Variants in ZNF558 observed in about 807,000 individuals in gnomAD.
ZNF558 encodes the protein zinc finger protein 558.
In ZNF558, 23 loss-of-function variants were observed where a neutral mutation model predicts 37.6. The ratio of observed to expected loss-of-function variants is 0.61; its 90% CI spans 0.44 to 0.87. The LOEUF (loss-of-function observed/expected upper bound fraction) is 0.87. Ranked by LOEUF, ZNF558 falls within the 40% of genes least tolerant of loss-of-function variation. The pLI is 0.00. For synonymous variants in ZNF558, 189 were observed against 174.4 expected (o/e 1.08, Z -0.66); for missense variants, 429 against 483.7 (o/e 0.89, Z 1.06).
chr19:8,821,173 G>A lies in ZNF558; in HGVS notation c.247+7C>T. The A allele has an allele frequency of 6.2e-7, 1 of 1,613,512 alleles. No individual in the cohort carries two copies. Among genetic ancestry groups the A allele is most frequent in the Non-Finnish European group, 8.5e-7 (1 of 1,179,594 alleles). ...TTAAATAAATGCAGGAATGACATTA[G>A]GCTTACCTAGTGAGGCCAGGTTCCT... On this transcript the variant is annotated splice_region_variant and intron_variant, in intron 7 of 9. Coordinates refer to ENST00000601372, the MANE Select transcript of ZNF558 (RefSeq NM_144693.3).
In ZNF558 at chr19:8,810,115, TG is replaced by T. The variant is rs2043749015; in HGVS notation, c.*1165del. 1 of 152,254 alleles carries T rather than the reference TG, an allele frequency of 6.6e-6. No individual in the cohort carries two copies. The highest frequency in any genetic ancestry group is 2.4e-5 in the African/African-American group (1 of 41,468). The allele number at this position is 152,254 out of a possible 1,614,324, so 9.4% of individuals were successfully genotyped here. On this transcript the variant is annotated 3_prime_UTR_variant, in exon 10 of 10. Coordinates refer to ENST00000601372, the MANE Select transcript of ZNF558 (RefSeq NM_144693.3). ...CTTTATATTTCAAGTTTCTCTGTAG[TG>T]TGAATGCTCACAAGTTTCCTAACAA...
rs1252659779 is a variant in ZNF558, at chr19:8,825,053, C to A, written c.-453G>T. 6.6e-6 allele frequency: 1 copy of A among 152,288 alleles called. No individual in the cohort carries two copies. Among genetic ancestry groups the A allele is most frequent in the Non-Finnish European group, 1.5e-5 (1 of 68,112 alleles). The allele number at this position is 152,288 out of a possible 1,614,324, so 9.4% of individuals were successfully genotyped here. A position where few individuals can be genotyped will look rare whatever the true frequency, so the allele number is the denominator to read the frequency against. On this transcript the variant is annotated 5_prime_UTR_variant, in exon 3 of 10. An upstream open reading frame in the 5' UTR loses its in-frame stop. Transcript: ENST00000601372. ...TGGCGCTATTTCCTATCTGGCAGGT[C>A]AACAGAGACACAGTGGCCCACACTC...
At position 8,806,617 on chromosome 19, in the gene ZNF558, T is replaced by C. The variant is rs1041135877; in HGVS notation, c.*4664A>G. Reference sequence around the variant, plus strand: ...AGGAGGCTGAGGCAGGAGAATCACTTGAACCCAGGAGGAGGAGGTTGCAGT... The same window carrying C: ...AGGAGGCTGAGGCAGGAGAATCACTCGAACCCAGGAGGAGGAGGTTGCAGT... On this transcript the variant is annotated 3_prime_UTR_variant, in exon 10 of 10. Coordinates refer to ENST00000601372, the MANE Select transcript of ZNF558 (RefSeq NM_144693.3). 6.7e-6 allele frequency: 1 copy of C among 150,230 alleles called. No individual in the cohort carries two copies. The highest frequency in any genetic ancestry group is 1.5e-5 in the Non-Finnish European group (1 of 67,906). The allele number at this position is 150,230 out of a possible 1,614,324, so 9.3% of individuals were successfully genotyped here.
rs781896479 is a variant in ZNF558, at chr19:8,811,507, G to C, written c.983C>G (p.Ser328Cys). ...AGTAAGAGAAAAGCTACTGCTGAAG[G>C]ATTTCCCACACTCGTTACATTCATA... Reference protein sequence around the residue: ...KPYECNECGKSFSSSFSLTVH... With the variant: ...KPYECNECGKCFSSSFSLTVH... The change falls in exon 10 of 10, where the codon TCC (serine) becomes TGC (cysteine). Residue 328 changes from serine (S) to cysteine (C), a missense_variant. Physicochemically the swap from Ser to Cys is moderately radical, Grantham distance 112. Transcript: ENST00000601372. 6.2e-7 allele frequency: 1 copy of C among 1,614,046 alleles called. No homozygotes were observed. Among genetic ancestry groups the C allele is most frequent in the Non-Finnish European group, 8.5e-7 (1 of 1,180,016 alleles).
Position 8,822,924 on chromosome 19 carries a change from C to G in ZNF558, c.-65-200G>C, listed in dbSNP as rs539004545. On this transcript the variant is annotated intron_variant, in intron 4 of 9. Coordinates refer to ENST00000601372, the MANE Select transcript of ZNF558 (RefSeq NM_144693.3). This position sits in a 1 kb window ranked among gnomAD's most constrained non-coding sequence, Gnocchi z 4.4. Reference sequence around the variant, plus strand: ...TTGCCTTCCTCTGTCCCCAACACAACGACCAGTACCTCCCTGACCCACCCG... The same window carrying G: ...TTGCCTTCCTCTGTCCCCAACACAAGGACCAGTACCTCCCTGACCCACCCG... 8.6e-5 allele frequency: 47 copies of G among 547,114 alleles called. No individual in the cohort carries two copies. Among genetic ancestry groups the G allele is most frequent in the African/African-American group, 7.0e-4 (37 of 52,856 alleles). 33.9% of individuals were successfully genotyped at this position (547,114 alleles called of 1,614,324 possible).
intron 7 of ZNF558, among the ~76,000 whole-genome samples, chr19:8,813,815 T>C (rs782679114): frequency 1.3e-5 from 2 of 152,190 alleles, no homozygotes; most frequent in Non-Finnish European, 2.9e-5. Context: ...CCCAAAACTT[T>C]TAACCATGAA....
chr19:8,827,665 C>T (rs1599292897), intron 2 of ZNF558, among the ~76,000 whole-genome samples: 1 of 150,618 alleles, frequency 6.6e-6, no homozygotes, highest in Non-Finnish European at 1.5e-5. Context: ...CCTCAGCCTC[C>T]CAGGTTCAAG....
At chr19:8,816,953 A>G (rs551196636) in intron 7 of ZNF558, among the ~76,000 whole-genome samples, 1 of 152,368 alleles carries the variant, frequency 6.6e-6, no homozygotes, top group East Asian at 1.9e-4. Context: ...AGTTGCTATT[A>G]AACTAGATTG....
intron 7 of ZNF558, among the ~76,000 whole-genome samples, chr19:8,819,802 A>G (rs1191555094): frequency 6.6e-6 from 1 of 152,042 alleles, no homozygotes; most frequent in Non-Finnish European, 1.5e-5. Flanking sequence ...TTAGCCAGGC[A>G]TGGTGGCACA....
intron 2 of ZNF558, among the ~76,000 whole-genome samples, chr19:8,825,549 G>C (rs2044212242): frequency 6.6e-6 from 1 of 152,104 alleles, no homozygotes; most frequent in African/African-American, 2.4e-5. Context: ...GCAATGTCAT[G>C]TGTCCTTTTT....
At position 8,811,252 on chromosome 19, in the gene ZNF558, T is replaced by C; in HGVS notation, c.*29A>G. The C allele has an allele frequency of 6.6e-7, 1 of 1,526,494 alleles. No homozygotes were observed. Among genetic ancestry groups the C allele is most frequent in the Non-Finnish European group, 8.8e-7 (1 of 1,137,782 alleles). The allele number at this position is 1,526,494 out of a possible 1,614,324, so 94.6% of individuals were successfully genotyped here. On this transcript the variant is annotated 3_prime_UTR_variant, in exon 10 of 10. Transcript: ENST00000601372. ...ATCTTAGGGATGAAAGATCAATGAG[T>C]GCTTTCCTCCAGAAGTTCCTGCAGT...
In ZNF558 at chr19:8,816,883, A is replaced by C. The variant is rs2043952999; in HGVS notation, c.248-3661T>G. 2.6e-5 allele frequency among the ~76,000 whole-genome samples: 4 copies of C among 152,368 alleles called. No homozygotes were observed. The South Asian group carries it at 8.3e-4, about 32-fold the overall frequency. ...ACAATGCATACAGATGCAATTTGTG[A>C]CAAAATTACTAAACAGAACAGCTAC... On this transcript the variant is annotated intron_variant, in intron 7 of 9. Coordinates refer to ENST00000601372, the MANE Select transcript of ZNF558 (RefSeq NM_144693.3).
Position 8,811,038 on chromosome 19 carries a change from C to T in ZNF558, c.*243G>A, listed in dbSNP as rs1599247139. On this transcript the variant is annotated 3_prime_UTR_variant, in exon 10 of 10. Transcript: ENST00000601372. ...GTTAGATGACTATAGCTTTGGCTGA[C>T]ATCTTGATTGTAAGTAAAGGCATGA... is the stretch of plus-strand genomic sequence containing the variant. The T allele has an allele frequency of 7.0e-6, 3 of 428,054 alleles. No homozygotes were observed. Among genetic ancestry groups the T allele is most frequent in the Non-Finnish European group, 8.3e-6 (2 of 240,764 alleles). The allele number at this position is 428,054 out of a possible 1,614,324, so 26.5% of individuals were successfully genotyped here. A position where few individuals can be genotyped will look rare whatever the true frequency, so the allele number is the denominator to read the frequency against.
rs372408908 is a variant in ZNF558, at chr19:8,811,858, T to C, written c.632A>G (p.Asn211Ser). 1.9e-6 allele frequency: 3 copies of C among 1,614,016 alleles called. No homozygotes were observed. Among genetic ancestry groups the C allele is most frequent in the Non-Finnish European group, 2.5e-6 (3 of 1,180,016 alleles). The change falls in exon 10 of 10, where the codon AAT becomes AGT. Residue 211 changes from asparagine (N) to serine (S), a missense_variant. Coordinates refer to ENST00000601372, the MANE Select transcript of ZNF558 (RefSeq NM_144693.3). ...ATCACTAAATGCTTTCCCACAGTGA[T>C]TGCATTCATAGGGTTTCTCCCCATT... ...IHNGEKPYECNHCGKAFSDPS... is the reference protein window; with the variant it reads ...IHNGEKPYECSHCGKAFSDPS...
At chr19:8,813,059 T>TA in intron 8 of ZNF558, 68 bp downstream of exon 8, 2 of 1,257,778 alleles carry the variant, frequency 1.6e-6, no homozygotes, top group Non-Finnish European at 2.3e-6. Flanking sequence ...ACTAATGTAA[T>TA]ACTCCCAACC....
chr19:8,816,807 A>G (rs1024194435), intron 7 of ZNF558, among the ~76,000 whole-genome samples: 3 of 152,250 alleles, frequency 2.0e-5, no homozygotes, highest in East Asian at 3.8e-4. Context: ...TTATTACTAC[A>G]TAATTTAAAG....
chr19:8,832,708 G>A (rs988795074), upstream of ZNF558, among the ~76,000 whole-genome samples: 7 of 151,856 alleles, frequency 4.6e-5, no homozygotes, highest in African/African-American at 1.7e-4. Flanking sequence ...TGTGGGTGGG[G>A]CCCAGTTCTC....
upstream of ZNF558, among the ~76,000 whole-genome samples, chr19:8,836,348 T>A (rs1415361818): frequency 6.6e-6 from 1 of 151,904 alleles, no homozygotes; most frequent in Non-Finnish European, 1.5e-5. Flanking sequence ...CTTCTTCCTC[T>A]TCCTCCTCCT....
upstream of ZNF558, among the ~76,000 whole-genome samples, chr19:8,835,016 TAAA>T (rs775093478): frequency 6.6e-6 from 1 of 151,326 alleles, no homozygotes; most frequent in Non-Finnish European, 1.5e-5. Flanking sequence ...GACTCAGCAA[TAAA>T]AAGATACCCA....
Sources: allele counts gnomAD v4.1 joint callset (sites outside exome capture counted in the v4.1 genomes callset), GRCh38; gene constraint gnomAD v4.1.1; non-coding constraint Gnocchi (gnomAD v3.1); transcripts MANE v1.5; gene names NCBI Gene and HGNC (gene_info 2026-07-23, HGNC 2026-07-21).